The following BRINP2 variants were observed in gnomAD, a reference collection of about 807,000 sequenced individuals.
The protein encoded by BRINP2 is BMP/retinoic acid-inducible neural-specific protein 2.
A neutral mutation model predicts 69.2 loss-of-function variants in BRINP2; 21 were observed. That is an observed-to-expected ratio of 0.30 (90% CI 0.22 to 0.44). The LOEUF (loss-of-function observed/expected upper bound fraction) is 0.44. Among genes scored for constraint, BRINP2 ranks in the 20% least tolerant of loss-of-function variants. The probability of loss-of-function intolerance (pLI) is 1.00; values close to 1 mark genes in which losing one functional copy is unlikely to be tolerated. For missense variants in BRINP2, 877 were observed against 986.0 expected, an observed-to-expected ratio of 0.89 and a Z score of 1.48; for synonymous variants, 380 against 394.1, an observed-to-expected ratio of 0.96 and a Z score of 0.42.
intron 1 of BRINP2, among the ~76,000 whole-genome samples, chr1:177,175,491 G>A (rs751094293): frequency 8.5e-5 from 13 of 152,194 alleles, no homozygotes; most frequent in African/African-American, 1.4e-4. Context: ...AAGGCAAAGC[G>A]CAGGGCCTGT....
rs1162665401 is a variant in BRINP2 at position 177,276,296 on chromosome 1, G to C, written c.874G>C (p.Glu292Gln). Residue 292 changes from glutamate to glutamine, a missense_variant, in exon 6 of 8, where the codon GAG (glutamate) becomes CAG (glutamine). Glu to Gln is a conservative substitution (Grantham distance 29). Around this residue, in one of 3 missense-constraint regions of BRINP2, gnomAD observed 566 missense variants for 625.2 expected, o/e 0.91. Transcript: ENST00000361539. The stretch of plus-strand genomic sequence containing the variant: ...CTCTGAGGGTGAGCTCGTCTGCAAG[G>C]AGAATGACTGCTGGTGCAAGTGCAG... Reference protein sequence around the residue: ...CSSEGELVCKENDCWCKCSPT... With the variant: ...CSSEGELVCKQNDCWCKCSPT... The C allele has an allele frequency of 6.2e-7, 1 of 1,614,106 alleles. No homozygotes were observed. The highest frequency in any genetic ancestry group is 1.3e-5 in the African/African-American group (1 of 74,940).
At chr1:177,238,197 C>T (rs1226195921) in intron 2 of BRINP2, among the ~76,000 whole-genome samples, 2 of 152,136 alleles carry the variant, frequency 1.3e-5, no homozygotes, top group South Asian at 2.1e-4. Flanking sequence ...TAGAAGTGGG[C>T]GAGGCCTGTG....
chr1:177,229,284 G>A (rs1464993402), intron 1 of BRINP2, among the ~76,000 whole-genome samples: 3 of 152,152 alleles, frequency 2.0e-5, no homozygotes, highest in Non-Finnish European at 4.4e-5. Context: ...CAGCAGCAAC[G>A]GAAGGAACTT....
At position 177,243,208 on chromosome 1, in the gene BRINP2, G is replaced by A. The variant is rs945010670; in HGVS notation, c.270-12711G>A. 5.9e-5 allele frequency among the ~76,000 whole-genome samples: 9 copies of A among 152,142 alleles called. No homozygotes were observed. The South Asian group carries it at 1.9e-3, about 32-fold the overall frequency. On this transcript the variant is annotated intron_variant, in intron 2 of 7. Coordinates refer to ENST00000361539, the MANE Select transcript of BRINP2 (RefSeq NM_021165.4). ...TTAATTGAGAAAGAAGAAAGAATAG[G>A]TAGTCTTACTCTACCAGACTCGTTT... is the stretch of plus-strand genomic sequence containing the variant.
At position 177,207,956 on chromosome 1, in the gene BRINP2, G is replaced by A. The variant is rs189202115; in HGVS notation, c.-76-21845G>A. ...AGAGTGGCCAGCAGTGCCAAACGCC[G>A]CAGACAAGTTAGGGTAATGGGGGAG... On this transcript the variant is annotated intron_variant, in intron 1 of 7. Transcript: ENST00000361539. Among the ~76,000 whole-genome samples the A allele has an allele frequency of 1.4e-3, 208 of 152,286 alleles. 1 individual carries two copies. The Middle Eastern group carries it at 0.041, about 30-fold the overall frequency.
intron 1 of BRINP2, among the ~76,000 whole-genome samples, chr1:177,172,215 T>C (rs941294915): frequency 6.6e-6 from 1 of 152,300 alleles, no homozygotes; most frequent in East Asian, 1.9e-4. Flanking sequence ...ATGTTTCCCA[T>C]GCACATGCAG....
rs961101597 is a variant in BRINP2, at chr1:177,263,414, C to G, written c.669+6030C>G. ...TTCTGGCTTCAAAGGAGCCAGAGAT[C>G]ATTAGAGAGGATGAAGGAACAGTGT... On this transcript the variant is annotated intron_variant, in intron 4 of 7. Coordinates refer to ENST00000361539, the MANE Select transcript of BRINP2 (RefSeq NM_021165.4). Among the ~76,000 whole-genome samples, 3 of 152,218 alleles carry G rather than the reference C, an allele frequency of 2.0e-5. No homozygotes were observed. The South Asian group carries it at 6.2e-4, about 32-fold the overall frequency.
intron 1 of BRINP2, among the ~76,000 whole-genome samples, chr1:177,216,313 C>T (rs560758989): frequency 6.6e-6 from 1 of 152,166 alleles, no homozygotes; most frequent in African/African-American, 2.4e-5. Flanking sequence ...TTACATAGAA[C>T]ATGTTACACT....
intron 1 of BRINP2, among the ~76,000 whole-genome samples, chr1:177,228,223 C>T (rs866437657): frequency 6.6e-6 from 1 of 152,236 alleles, no homozygotes; most frequent in Non-Finnish European, 1.5e-5. Flanking sequence ...GAAGGAATGA[C>T]GCTGAACGTC....
At chr1:177,274,994 G>T (rs1651447975) in intron 5 of BRINP2, among the ~76,000 whole-genome samples, 1 of 152,150 alleles carries the variant, frequency 6.6e-6, no homozygotes, top group Non-Finnish European at 1.5e-5. Flanking sequence ...AAGGTCAAGG[G>T]CCTAAAAATA....
At chr1:177,204,037 C>A (rs184546772) in intron 1 of BRINP2, among the ~76,000 whole-genome samples, 2 of 152,266 alleles carry the variant, frequency 1.3e-5, no homozygotes, top group African/African-American at 4.8e-5. Context: ...GTTGAAGGCA[C>A]CAGATCCCTA....
At chr1:177,214,520 C>T (rs2102313214) in intron 1 of BRINP2, among the ~76,000 whole-genome samples, 1 of 152,226 alleles carries the variant, frequency 6.6e-6, no homozygotes, top group South Asian at 2.1e-4. Flanking sequence ...AAATGATGAA[C>T]ACAAGTAAAA....
At chr1:177,223,293 A>G (rs562093412) in intron 1 of BRINP2, among the ~76,000 whole-genome samples, 5 of 152,236 alleles carry the variant, frequency 3.3e-5, no homozygotes, top group Admixed American at 6.5e-5. Flanking sequence ...CAGAGGAGGG[A>G]TCCTACTAGG....
chr1:177,235,456 T>C (rs1220323886), intron 2 of BRINP2, among the ~76,000 whole-genome samples: 2 of 151,998 alleles, frequency 1.3e-5, no homozygotes, highest in Non-Finnish European at 2.9e-5. Flanking sequence ...TATGAACTCA[T>C]AAGAGTAGGT....
chr1:177,261,956 G>A (rs912388236), intron 4 of BRINP2, among the ~76,000 whole-genome samples: 4 of 152,204 alleles, frequency 2.6e-5, no homozygotes, highest in African/African-American at 4.8e-5. Context: ...GGTGAAGATT[G>A]AGACTCGACC....
intron 3 of BRINP2, 136 bp from the exon 4 acceptor site, chr1:177,257,040 G>A (rs749862155): frequency 1.3e-6 from 2 of 1,549,326 alleles, no homozygotes; most frequent in Middle Eastern, 1.7e-4. Context: ...GATGGTAAGG[G>A]CTGGGGGAAG....
intron 1 of BRINP2, among the ~76,000 whole-genome samples, chr1:177,194,082 C>A (rs72720760): frequency 0.033 from 5,019 of 152,164 alleles, 111 homozygotes; most frequent in African/African-American, 0.069. Context: ...CACTGACATA[C>A]AAAGATGCTA....
chr1:177,257,066 G>C, intron 3 of BRINP2, 110 bp from the exon 4 acceptor site: 3 of 1,565,566 alleles, frequency 1.9e-6, no homozygotes, highest in Non-Finnish European at 2.6e-6. Flanking sequence ...GGCAGCAGGG[G>C]CTGCACTCTC....
chr1:177,250,314 A>ATTCT (rs1243047640), intron 2 of BRINP2, among the ~76,000 whole-genome samples: 25 of 122,872 alleles, frequency 2.0e-4, no homozygotes, highest in Admixed American at 5.2e-4. Context: ...ACTTGTGTGC[A>ATTCT]TTCTTTGTTT....
Sources: gnomAD v4.1 joint callset for allele counts (sites outside exome capture counted in the v4.1 genomes callset) on GRCh38, gnomAD v4.1.1 for gene constraint, gnomAD v4.1.1 regional missense constraint, MANE v1.5 for transcripts, NCBI Gene and HGNC (gene_info 2026-07-23, HGNC 2026-07-21) for gene names.